DLC1: variants seen among roughly 807,000 people sequenced by gnomAD.
DLC1 encodes DLC1 Rho GTPase activating protein.
Under a neutral mutation model 140.3 loss-of-function variants are expected in DLC1, and 54 were observed. The ratio of observed to expected loss-of-function variants is 0.38; its 90% CI spans 0.31 to 0.48. The LOEUF (loss-of-function observed/expected upper bound fraction) is 0.48, where lower values mean the gene tolerates loss of function less well. DLC1 is among the 20% of genes least tolerant of loss of function. DLC1 has a pLI of 0.96. For synonymous variants in DLC1, 986 were observed against 728.1 expected (o/e 1.35, Z -5.70); for missense variants, 2,536 against 1,907.0 (o/e 1.33, Z -6.14).
At chr8:13,577,042 A>T (rs758604690) in intron 1 of DLC1, among the ~76,000 whole-genome samples, 2 of 152,194 alleles carry the variant, frequency 1.3e-5, no homozygotes, top group Non-Finnish European at 2.9e-5. Flanking sequence ...TGTTGGGCTT[A>T]GGGGCCTTCA....
intron 4 of DLC1, among the ~76,000 whole-genome samples, chr8:13,337,474 T>G (rs1528624): frequency 0.48 from 72,474 of 151,904 alleles, 17,885 homozygotes; most frequent in Admixed American, 0.63. Context: ...TATTTTGTGG[T>G]TATTTTTAAT....
chr8:13,397,988 G>A (rs1837123824), intron 3 of DLC1, among the ~76,000 whole-genome samples: 1 of 151,362 alleles, frequency 6.6e-6, no homozygotes, highest in African/African-American at 2.4e-5. Context: ...AAAATTAGCT[G>A]GGCATGGTGG....
intron 5 of DLC1, among the ~76,000 whole-genome samples, chr8:13,196,002 G>T (rs1034375439): frequency 2.0e-5 from 3 of 151,838 alleles, no homozygotes; most frequent in Non-Finnish European, 4.4e-5. Flanking sequence ...AAGAATGAAG[G>T]ATCATTCTAG....
chr8:13,413,074 C>CCCAACA (rs1435228856), intron 2 of DLC1, among the ~76,000 whole-genome samples: 1 of 151,928 alleles, frequency 6.6e-6, no homozygotes, highest in Non-Finnish European at 1.5e-5. Flanking sequence ...GCATAACCTG[C>CCCAACA]CCAACAGTAC....
intron 5 of DLC1, among the ~76,000 whole-genome samples, chr8:13,254,159 C>T (rs1830118511): frequency 6.6e-6 from 1 of 151,378 alleles, no homozygotes; most frequent in Admixed American, 6.6e-5. Context: ...TTCCCCCACC[C>T]CAACCCGACC....
rs185805817 is a variant in DLC1 at position 13,128,597 on chromosome 8, C to A, written c.1349-12940G>T. On this transcript the variant is annotated intron_variant, in intron 5 of 17. Coordinates refer to ENST00000276297, the MANE Select transcript of DLC1 (RefSeq NM_182643.3). ...CCTGTAATCCCAGCACTTTGGGAGG[C>A]CGAGGCGGGCGGATCACGAGGTCAG... is the stretch of plus-strand genomic sequence containing the variant. Among the ~76,000 whole-genome samples the A allele has an allele frequency of 1.4e-3, 211 of 152,298 alleles. 1 individual carries two copies. The highest frequency in any genetic ancestry group is 0.011 in the Admixed American group (173 of 15,294).
chr8:13,115,580 G>T lies in DLC1; in HGVS notation c.1420+6C>A. ...CAACTTTTAAAAAGTGGCATTCCCA[G>T]CTTACCTTCATAAAGCTGTGCATAC... On this transcript the variant is annotated splice_donor_region_variant and intron_variant, in intron 6 of 17. Transcript: ENST00000276297. 1 of 1,612,098 alleles carries T rather than the reference G, an allele frequency of 6.2e-7. No individual in the cohort carries two copies.
At chr8:13,333,443 C>T (rs866386882) in intron 4 of DLC1, among the ~76,000 whole-genome samples, 28 of 152,062 alleles carry the variant, frequency 1.8e-4, no homozygotes, top group Admixed American at 6.6e-4. Flanking sequence ...TGATGAGGGT[C>T]TCATTGTTTT....
At chr8:13,291,748 C>T (rs1366355550) in intron 5 of DLC1, among the ~76,000 whole-genome samples, 1 of 151,980 alleles carries the variant, frequency 6.6e-6, no homozygotes, top group African/African-American at 2.4e-5. Flanking sequence ...CCCTAGAAAC[C>T]AAACCAACCA....
intron 5 of DLC1, among the ~76,000 whole-genome samples, chr8:13,175,054 G>A (rs1470606386): frequency 6.6e-6 from 1 of 152,112 alleles, no homozygotes; most frequent in South Asian, 2.1e-4. Context: ...ACAGTGAAAG[G>A]TAGGGGTCCA....
At chr8:13,181,953 A>G (rs900171114) in intron 5 of DLC1, among the ~76,000 whole-genome samples, 2 of 152,170 alleles carry the variant, frequency 1.3e-5, no homozygotes, top group Non-Finnish European at 2.9e-5. Flanking sequence ...ACTCCCACCA[A>G]CAGTGTAAAA....
intron 1 of DLC1, among the ~76,000 whole-genome samples, chr8:13,595,120 A>C (rs1389753421): frequency 6.6e-6 from 1 of 152,088 alleles, no homozygotes; most frequent in African/African-American, 2.4e-5. Context: ...GTGAAATTAT[A>C]ATAATTATTG....
At chr8:13,441,607 C>G (rs1285084126) in intron 2 of DLC1, among the ~76,000 whole-genome samples, 2 of 152,184 alleles carry the variant, frequency 1.3e-5, no homozygotes, top group African/African-American at 4.8e-5. Context: ...CTCCCATTCA[C>G]AATTGCTTCA....
chr8:13,433,924 C>T (rs572704911), intron 2 of DLC1, among the ~76,000 whole-genome samples: 22 of 152,222 alleles, frequency 1.4e-4, no homozygotes, highest in East Asian at 5.8e-4. Flanking sequence ...GGCACGATCT[C>T]GGCTCACTGC....
intron 5 of DLC1, among the ~76,000 whole-genome samples, chr8:13,164,516 C>G (rs7816773): frequency 0.024 from 3,636 of 152,234 alleles, 148 homozygotes; most frequent in African/African-American, 0.081. Flanking sequence ...TTTCTCTCAT[C>G]TTCCTGATGT....
At chr8:13,407,498 G>A (rs1563322147) in intron 2 of DLC1, among the ~76,000 whole-genome samples, 1 of 152,188 alleles carries the variant, frequency 6.6e-6, no homozygotes, top group African/African-American at 2.4e-5. Flanking sequence ...CCAGAAAAGA[G>A]TGTGCCTCTT....
intron 2 of DLC1, among the ~76,000 whole-genome samples, chr8:13,432,340 C>T (rs776006749): frequency 2.6e-5 from 4 of 152,286 alleles, no homozygotes; most frequent in Non-Finnish European, 5.9e-5. Flanking sequence ...GAGAGCAAAA[C>T]ATGCACCTAA....
chr8:13,170,137 T>G (rs1245346667), intron 5 of DLC1, among the ~76,000 whole-genome samples: 1 of 152,226 alleles, frequency 6.6e-6, no homozygotes, highest in Non-Finnish European at 1.5e-5. Flanking sequence ...CATATAATTT[T>G]TTGGCTAATT....
At chr8:13,438,656 G>A (rs964165581) in intron 2 of DLC1, among the ~76,000 whole-genome samples, 1 of 152,062 alleles carries the variant, frequency 6.6e-6, no homozygotes, top group African/African-American at 2.4e-5. Context: ...CCCACATTGA[G>A]TCCTTCTGCC....
Sources: allele counts gnomAD v4.1 joint callset (sites outside exome capture counted in the v4.1 genomes callset), GRCh38; gene constraint gnomAD v4.1.1; transcripts MANE v1.5; gene names NCBI Gene and HGNC (gene_info 2026-07-23, HGNC 2026-07-21).